HIVEP3: variants seen among roughly 807,000 people sequenced by gnomAD.
The protein encoded by HIVEP3 is transcription factor HIVEP3.
Under a neutral mutation model 152.8 loss-of-function variants are expected in HIVEP3, and 49 were observed. The observed-to-expected ratio is 0.32, with a 90% CI of 0.26 to 0.41. The LOEUF (loss-of-function observed/expected upper bound fraction) is 0.41, where lower values mean the gene tolerates loss of function less well. Ranked by LOEUF, HIVEP3 falls within the 10% of genes least tolerant of loss-of-function variation. HIVEP3 has a pLI of 1.00. For synonymous variants in HIVEP3, 1,269 were observed against 1,289.0 expected (o/e 0.98, Z 0.33); for missense variants, 2,790 against 3,103.3 (o/e 0.90, Z 2.40).
chr1:41,764,654 A>G (rs1200446698), intron 1 of HIVEP3, among the ~76,000 whole-genome samples: 2 of 152,242 alleles, frequency 1.3e-5, no homozygotes, highest in Non-Finnish European at 2.9e-5. Context: ...ACAGGTCTTT[A>G]TCTTCATTTG....
intron 3 of HIVEP3, among the ~76,000 whole-genome samples, chr1:41,625,963 T>C (rs11210501): frequency 0.43 from 66,079 of 152,118 alleles, 14,904 homozygotes; most frequent in Non-Finnish European, 0.5. Context: ...CTATAAAAGT[T>C]TGAAAACTGC....
intron 1 of HIVEP3, among the ~76,000 whole-genome samples, chr1:41,780,508 G>T (rs182394123): frequency 9.2e-4 from 140 of 152,100 alleles, no homozygotes; most frequent in African/African-American, 3.2e-3. Flanking sequence ...GATGCTCCTT[G>T]CCTGTCTTAA....
chr1:41,563,425 A>T (rs1326930066), intron 5 of HIVEP3, among the ~76,000 whole-genome samples: 1 of 151,816 alleles, frequency 6.6e-6, no homozygotes, highest in Admixed American at 6.6e-5. Context: ...GGCTGCAGAG[A>T]CCCCTCCTTC....
At chr1:42,024,018 G>A (rs1317280248) in intron 1 of HIVEP3, among the ~76,000 whole-genome samples, 5 of 152,096 alleles carry the variant, frequency 3.3e-5, no homozygotes, top group African/African-American at 1.2e-4. Context: ...CGTTCTGTTG[G>A]ACTCTTTGTT....
chr1:41,702,697 T>C (rs191751217), intron 1 of HIVEP3, among the ~76,000 whole-genome samples: 3 of 152,360 alleles, frequency 2.0e-5, no homozygotes, highest in Non-Finnish European at 1.5e-5. Flanking sequence ...CATAGTCCAT[T>C]GAAAATTCAT....
At chr1:41,606,935 C>T (rs932474638) in intron 3 of HIVEP3, among the ~76,000 whole-genome samples, 16 of 151,832 alleles carry the variant, frequency 1.1e-4, no homozygotes, top group Non-Finnish European at 4.4e-5. Context: ...TAATTCCTGC[C>T]CTAAAGTCAG....
chr1:41,613,560 C>A (rs7547176), intron 3 of HIVEP3, among the ~76,000 whole-genome samples: 87,324 of 151,536 alleles, frequency 0.58, 25,257 homozygotes, highest in African/African-American at 0.6. Flanking sequence ...TAATAGTTTG[C>A]AGAAGTCACT....
intron 3 of HIVEP3, among the ~76,000 whole-genome samples, chr1:41,627,155 G>A (rs1054919028): frequency 3.3e-5 from 5 of 152,226 alleles, no homozygotes; most frequent in African/African-American, 4.8e-5. Flanking sequence ...GGAGAGCAGG[G>A]TGGTGGCCCA....
chr1:41,745,686 T>C (rs1379143253), intron 1 of HIVEP3, among the ~76,000 whole-genome samples: 1 of 152,194 alleles, frequency 6.6e-6, no homozygotes, highest in Non-Finnish European at 1.5e-5. Context: ...AGGCAGCTGA[T>C]GTCTCTGAGG....
chr1:41,697,388 C>T (rs1558188537), intron 2 of HIVEP3, among the ~76,000 whole-genome samples: 2 of 152,248 alleles, frequency 1.3e-5, no homozygotes, highest in Non-Finnish European at 2.9e-5. Flanking sequence ...CAGAAAGCAA[C>T]TCCTTAAGGG....
At chr1:41,554,984 C>T (rs578254786) in intron 5 of HIVEP3, among the ~76,000 whole-genome samples, 5 of 152,338 alleles carry the variant, frequency 3.3e-5, no homozygotes, top group Middle Eastern at 3.4e-3. Context: ...TGTCTGTTCT[C>T]GGAGCTCAAA....
At chr1:41,525,540 G>T (rs147424964) in intron 5 of HIVEP3, among the ~76,000 whole-genome samples, 1 of 152,160 alleles carries the variant, frequency 6.6e-6, no homozygotes, top group African/African-American at 2.4e-5. Flanking sequence ...GGAGGAGAAG[G>T]AACAGGGACC....
At chr1:41,944,001 G>A (rs551330704) in intron 1 of HIVEP3, among the ~76,000 whole-genome samples, 1 of 152,308 alleles carries the variant, frequency 6.6e-6, no homozygotes, top group East Asian at 1.9e-4. Context: ...AGTGTGCTGA[G>A]TTAAATAAGT....
chr1:41,742,840 T>A (rs1254385700), intron 1 of HIVEP3, among the ~76,000 whole-genome samples: 1 of 152,188 alleles, frequency 6.6e-6, no homozygotes, highest in Non-Finnish European at 1.5e-5. Flanking sequence ...GGTTTGAGAA[T>A]CTGTGTAACA....
chr1:41,674,305 C>T (rs1645921169), intron 2 of HIVEP3, among the ~76,000 whole-genome samples: 2 of 152,234 alleles, frequency 1.3e-5, no homozygotes, highest in Non-Finnish European at 2.9e-5. Flanking sequence ...TCTCTTTCTT[C>T]CATTCCCCAC....
At chr1:41,708,762 A>G (rs1646470417) in intron 1 of HIVEP3, among the ~76,000 whole-genome samples, 1 of 152,226 alleles carries the variant, frequency 6.6e-6, no homozygotes, top group East Asian at 1.9e-4. Context: ...TGGCACAAAA[A>G]GCTATGACCA....
chr1:42,012,620 G>A (rs1645499762), intron 1 of HIVEP3, among the ~76,000 whole-genome samples: 1 of 152,170 alleles, frequency 6.6e-6, no homozygotes, highest in South Asian at 2.1e-4. Flanking sequence ...AACCCAGGAG[G>A]TGGAGGTTGC....
intron 1 of HIVEP3, among the ~76,000 whole-genome samples, chr1:41,974,577 T>G (rs1280492213): frequency 6.6e-6 from 1 of 151,902 alleles, no homozygotes; most frequent in African/African-American, 2.4e-5. Flanking sequence ...TGAAGCTCTT[T>G]GTCTCTGGTC....
upstream of HIVEP3, among the ~76,000 whole-genome samples, chr1:41,922,460 T>TA (rs1374457866): frequency 3.3e-5 from 5 of 151,982 alleles, no homozygotes; most frequent in East Asian, 1.9e-4. Context: ...CACCCTTTAT[T>TA]AAAAAAAATT....
Sources: gnomAD v4.1 joint callset for allele counts (sites outside exome capture counted in the v4.1 genomes callset) on GRCh38, gnomAD v4.1.1 for gene constraint, MANE v1.5 for transcripts, NCBI Gene and HGNC (gene_info 2026-07-23, HGNC 2026-07-21) for gene names.